Variants in CADPS2 observed in about 807,000 individuals in gnomAD.
The protein encoded by CADPS2 is calcium dependent secretion activator 2.
CADPS2 carries 93 observed loss-of-function variants against 172.5 expected under a neutral mutation model. The ratio of observed to expected loss-of-function variants is 0.54; its 90% CI spans 0.46 to 0.64. The LOEUF (loss-of-function observed/expected upper bound fraction) is 0.64, where lower values mean the gene tolerates loss of function less well. Among genes scored for constraint, CADPS2 ranks in the 30% least tolerant of loss-of-function variants. The pLI is 0.00. For missense variants in CADPS2, 1,420 were observed against 1,565.9 expected (o/e 0.91, Z 1.57); for synonymous variants, 546 against 555.2 (o/e 0.98, Z 0.23).
intron 1 of CADPS2, among the ~76,000 whole-genome samples, chr7:122,818,668 T>C (rs1802223505): frequency 6.6e-6 from 1 of 152,168 alleles, no homozygotes; most frequent in Non-Finnish European, 1.5e-5. Context: ...AATCTTTTTA[T>C]CACCTCCCCT....
intron 27 of CADPS2, among the ~76,000 whole-genome samples, chr7:122,352,349 T>A (rs542789717): frequency 6.6e-6 from 1 of 152,142 alleles, no homozygotes; most frequent in Admixed American, 6.5e-5. Flanking sequence ...GCTGCATTAT[T>A]TCATTTTTAG....
chr7:122,632,538 T>C (rs1197556620), intron 3 of CADPS2, among the ~76,000 whole-genome samples: 1 of 152,110 alleles, frequency 6.6e-6, no homozygotes, highest in East Asian at 1.9e-4. Flanking sequence ...CCTTTGCCCA[T>C]TTTTGAGTTG....
chr7:122,591,762 G>T (rs2070845066), intron 6 of CADPS2, among the ~76,000 whole-genome samples: 2 of 152,134 alleles, frequency 1.3e-5, no homozygotes, highest in Non-Finnish European at 2.9e-5. Flanking sequence ...AATAAATGGT[G>T]CTGGGAAAAC....
At chr7:122,759,813 A>C (rs1589032655) in intron 1 of CADPS2, among the ~76,000 whole-genome samples, 1 of 152,256 alleles carries the variant, frequency 6.6e-6, no homozygotes, top group East Asian at 1.9e-4. Context: ...GCCTAATTTT[A>C]TTCAAATTAT....
intron 4 of CADPS2, among the ~76,000 whole-genome samples, chr7:122,623,513 A>C (rs903019306): frequency 3.3e-5 from 5 of 152,310 alleles, no homozygotes; most frequent in African/African-American, 1.2e-4. Context: ...CCAGACAATA[A>C]AGCTACATGT....
At chr7:122,580,554 C>T (rs2068675478) in intron 7 of CADPS2, among the ~76,000 whole-genome samples, 1 of 151,898 alleles carries the variant, frequency 6.6e-6, no homozygotes. Flanking sequence ...CTGAAGATGA[C>T]CTTTCACACA....
intron 4 of CADPS2, among the ~76,000 whole-genome samples, chr7:122,627,102 G>A (rs745815765): frequency 2.0e-5 from 3 of 152,204 alleles, no homozygotes; most frequent in South Asian, 2.1e-4. Flanking sequence ...TTAAGAGAGC[G>A]AGCCCAGGCT....
chr7:122,744,536 C>T (rs1325886186), intron 1 of CADPS2, among the ~76,000 whole-genome samples: 1 of 152,100 alleles, frequency 6.6e-6, no homozygotes, highest in Non-Finnish European at 1.5e-5. Context: ...AAACTTGCCC[C>T]AGCGAACAGT....
intron 8 of CADPS2, among the ~76,000 whole-genome samples, chr7:122,544,054 C>T (rs1235707289): frequency 1.3e-5 from 2 of 151,968 alleles, no homozygotes; most frequent in African/African-American, 4.8e-5. Context: ...CACATTCTTA[C>T]GAGCTCAGCA....
chr7:122,468,665 A>T (rs1195976080), intron 14 of CADPS2, among the ~76,000 whole-genome samples: 2 of 152,176 alleles, frequency 1.3e-5, no homozygotes, highest in Admixed American at 1.3e-4. Flanking sequence ...TCTGAGTTTC[A>T]GAAAGGTTAA....
chr7:122,874,628 A>G (rs575061902), intron 1 of CADPS2, among the ~76,000 whole-genome samples: 1 of 152,318 alleles, frequency 6.6e-6, no homozygotes, highest in South Asian at 2.1e-4. Flanking sequence ...CTGACTTCAA[A>G]CTATACTTTG....
chr7:122,878,685 A>AATAAATAAATAC (rs1447913597), intron 1 of CADPS2, among the ~76,000 whole-genome samples: 4 of 138,964 alleles, frequency 2.9e-5, no homozygotes, highest in African/African-American at 1.1e-4. Context: ...TAAATAAATA[A>AATAAATAAATAC]ATACAAAGTT....
chr7:122,622,077 G>C (rs893802035), intron 4 of CADPS2, among the ~76,000 whole-genome samples: 2 of 152,170 alleles, frequency 1.3e-5, no homozygotes, highest in African/African-American at 4.8e-5. Flanking sequence ...CGATGCTTGG[G>C]ATAACTGGTC....
chr7:122,750,472 G>A (rs2092904884), intron 1 of CADPS2, among the ~76,000 whole-genome samples: 1 of 151,920 alleles, frequency 6.6e-6, no homozygotes, highest in African/African-American at 2.4e-5. Context: ...TTTGTTCTTT[G>A]GATTGTCCTG....
In CADPS2 at chr7:122,702,945, A is replaced by G. The variant is rs117586487; in HGVS notation, c.453+34010T>C. 8.8e-4 allele frequency: 462 copies of G among 527,552 alleles called. 6 individuals carry two copies. The East Asian group carries it at 0.014, about 16-fold the overall frequency. 32.7% of individuals were successfully genotyped at this position (527,552 alleles called of 1,614,324 possible). A position where few individuals can be genotyped will look rare whatever the true frequency, so the allele number is the denominator to read the frequency against. On this transcript the variant is annotated intron_variant, in intron 2 of 29. Transcript: ENST00000449022. ...ATTATCTTTCTCATAATGAAACAAA[A>G]TAACAAGACTTGTGATTGGTACCAT...
At chr7:122,522,359 C>T (rs2060873792) in intron 8 of CADPS2, among the ~76,000 whole-genome samples, 1 of 152,042 alleles carries the variant, frequency 6.6e-6, no homozygotes, top group Non-Finnish European at 1.5e-5. Flanking sequence ...AAGTGATCTG[C>T]CCACCTCAGC....
intron 17 of CADPS2, among the ~76,000 whole-genome samples, chr7:122,431,997 G>A (rs889471573): frequency 7.2e-5 from 11 of 152,072 alleles, no homozygotes; most frequent in Non-Finnish European, 1.5e-4. Flanking sequence ...TTAGAATAGT[G>A]CCTGGTATAT....
intron 1 of CADPS2, among the ~76,000 whole-genome samples, chr7:122,882,767 C>G (rs1029558862): frequency 1.3e-5 from 2 of 151,990 alleles, no homozygotes; most frequent in African/African-American, 4.8e-5. Context: ...TAGAACCATC[C>G]AAAGTTAATC....
At chr7:122,622,083 T>C (rs1306746103) in intron 4 of CADPS2, among the ~76,000 whole-genome samples, 4 of 152,204 alleles carry the variant, frequency 2.6e-5, no homozygotes, top group African/African-American at 9.6e-5. Context: ...TTGGGATAAC[T>C]GGTCTATAAA....
Sources: gnomAD v4.1 joint callset for allele counts (sites outside exome capture counted in the v4.1 genomes callset) on GRCh38, gnomAD v4.1.1 for gene constraint, MANE v1.5 for transcripts, NCBI Gene and HGNC (gene_info 2026-07-23, HGNC 2026-07-21) for gene names.